The following IDO2 variants were observed in gnomAD, a reference collection of about 807,000 sequenced individuals.
The protein encoded by IDO2 is indoleamine 2,3-dioxygenase-like 1 protein.
In IDO2, 46 loss-of-function variants were observed where a neutral mutation model predicts 45.1. The ratio of observed to expected loss-of-function variants is 1.02; its 90% CI spans 0.80 to 1.30. The LOEUF (loss-of-function observed/expected upper bound fraction) is 1.30. Among genes scored for constraint, IDO2 ranks in the 50% most tolerant of loss-of-function variants. IDO2 has a pLI of 0.00. For synonymous variants in IDO2, 218 were observed against 184.9 expected (o/e 1.18, Z -1.45); for missense variants, 544 against 491.8 (o/e 1.11, Z -1.00).
intron 6 of IDO2, chr8:39,986,520 G>T (rs1216119586): frequency 6.6e-6 from 1 of 152,094 alleles, no homozygotes; most frequent in Non-Finnish European, 1.5e-5. Flanking sequence ...TTTCATCTTT[G>T]TCTCATGCTT....
At chr8:39,944,563 T>G (rs1286563164) in intron 1 of IDO2, among the ~76,000 whole-genome samples, 1 of 152,104 alleles carries the variant, frequency 6.6e-6, no homozygotes, top group Admixed American at 6.6e-5. Context: ...GGAATGCAAT[T>G]AACTGGTAAG....
At chr8:39,992,304 C>T (rs1048601244) in intron 8 of IDO2, among the ~76,000 whole-genome samples, 6 of 152,210 alleles carry the variant, frequency 3.9e-5, no homozygotes, top group Non-Finnish European at 5.9e-5. Context: ...CCTGAGATCA[C>T]TCTGCTGTGC....
intron 8 of IDO2, among the ~76,000 whole-genome samples, chr8:40,004,541 A>AGATAGATAGAT (rs1202381254): frequency 2.0e-5 from 3 of 151,288 alleles, no homozygotes; most frequent in African/African-American, 7.3e-5. Flanking sequence ...ATAGATAGAT[A>AGATAGATAGAT]GATAGATAGA....
chr8:39,955,251 CTTTTTTTT>C (rs34726763), intron 2 of IDO2, among the ~76,000 whole-genome samples: 2 of 97,018 alleles, frequency 2.1e-5, no homozygotes, highest in African/African-American at 3.6e-5. Context: ...TAATATTTGC[CTTTTTTTT>C]TTTTTTTTTT....
At chr8:40,006,111 G>C (rs570060426) in intron 9 of IDO2, among the ~76,000 whole-genome samples, 2 of 152,282 alleles carry the variant, frequency 1.3e-5, no homozygotes, top group South Asian at 4.1e-4. Flanking sequence ...CCAGCCTCCA[G>C]AACTGTGAGA....
At chr8:39,964,245 T>A (rs1026148532) in intron 3 of IDO2, among the ~76,000 whole-genome samples, 4 of 152,250 alleles carry the variant, frequency 2.6e-5, no homozygotes, top group Admixed American at 2.6e-4. Flanking sequence ...TTGCCATTAC[T>A]TTTAATGACA....
At chr8:39,994,314 A>G (rs993430752) in intron 8 of IDO2, among the ~76,000 whole-genome samples, 5 of 150,608 alleles carry the variant, frequency 3.3e-5, no homozygotes, top group Admixed American at 1.3e-4. Flanking sequence ...CTGGGGTGCG[A>G]TGGCGCCATC....
At chr8:40,004,631 A>G (rs1190277264) in intron 8 of IDO2, among the ~76,000 whole-genome samples, 1 of 152,226 alleles carries the variant, frequency 6.6e-6, no homozygotes, top group Non-Finnish European at 1.5e-5. Context: ...AGATAGGCAT[A>G]TGCCAGGTGA....
chr8:39,963,901 A>G (rs1232449879), intron 3 of IDO2, among the ~76,000 whole-genome samples, 198 bp downstream of exon 3: 1 of 152,212 alleles, frequency 6.6e-6, no homozygotes, highest in African/African-American at 2.4e-5. Context: ...TAAGGTTTTC[A>G]GAGCCAGCAC....
exon 11 of IDO2, chr8:40,015,451 C>T (rs751886484): frequency 6.2e-7 from 1 of 1,613,862 alleles, no homozygotes; most frequent in Non-Finnish European, 8.5e-7. Flanking sequence ...CTCATCACAG[C>T]TGCAGCCAAG....
intron 4 of IDO2, among the ~76,000 whole-genome samples, chr8:39,981,696 A>T (rs567847757): frequency 6.6e-6 from 1 of 152,344 alleles, no homozygotes; most frequent in East Asian, 1.9e-4. Context: ...AAAGCTCTTT[A>T]GTGTTTTCCA....
At chr8:39,990,824 C>G (rs761681730) in intron 8 of IDO2, among the ~76,000 whole-genome samples, 1 of 152,186 alleles carries the variant, frequency 6.6e-6, no homozygotes, top group East Asian at 1.9e-4. Context: ...CGGGGCCCAA[C>G]CTTCCTGGAC....
At chr8:39,943,111 T>C (rs1807672131) in intron 1 of IDO2, among the ~76,000 whole-genome samples, 8 of 152,182 alleles carry the variant, frequency 5.3e-5, no homozygotes, top group Admixed American at 5.2e-4. Flanking sequence ...CTCACGCCTG[T>C]AATCCCAGCA....
At chr8:39,970,586 T>A (rs927033727) in intron 3 of IDO2, among the ~76,000 whole-genome samples, 25 of 152,060 alleles carry the variant, frequency 1.6e-4, no homozygotes, top group African/African-American at 6.0e-4. Flanking sequence ...GAGACGGGGT[T>A]TCACCACATT....
At chr8:39,955,795 C>A (rs1230308678) in intron 2 of IDO2, among the ~76,000 whole-genome samples, 1 of 152,170 alleles carries the variant, frequency 6.6e-6, no homozygotes, top group Non-Finnish European at 1.5e-5. Flanking sequence ...AGTAGCTTGT[C>A]AAAATACTGT....
At chr8:39,984,065 G>A (rs538423910) in intron 5 of IDO2, among the ~76,000 whole-genome samples, 7 of 152,270 alleles carry the variant, frequency 4.6e-5, no homozygotes, top group South Asian at 2.1e-4. Context: ...ATATATGTGC[G>A]TAATTTATTC....
At chr8:39,975,439 A>T (rs976731851) in intron 3 of IDO2, among the ~76,000 whole-genome samples, 9 of 152,192 alleles carry the variant, frequency 5.9e-5, no homozygotes, top group African/African-American at 2.2e-4. Context: ...AATCTTGTAA[A>T]TTGATTGGAA....
chr8:40,010,340 C>T (rs1418620654), intron 9 of IDO2, among the ~76,000 whole-genome samples: 7 of 151,982 alleles, frequency 4.6e-5, no homozygotes, highest in African/African-American at 7.3e-5. Flanking sequence ...CCAGCAGGGC[C>T]GCAACACTCA....
intron 7 of IDO2, 61 bp downstream of exon 7, chr8:39,988,031 C>T: frequency 3.2e-6 from 3 of 929,362 alleles, no homozygotes; most frequent in South Asian, 1.5e-5. Context: ...ACTTCCCACT[C>T]AGTGCCTTTC....
Sources: allele counts gnomAD v4.1 joint callset (sites outside exome capture counted in the v4.1 genomes callset), GRCh38; gene constraint gnomAD v4.1.1; transcripts MANE v1.5; gene names NCBI Gene and HGNC (gene_info 2026-07-23, HGNC 2026-07-21).